FGGY: variants seen among roughly 807,000 people sequenced by gnomAD.
The protein encoded by FGGY is FGGY carbohydrate kinase domain-containing protein.
FGGY carries 72 observed loss-of-function variants against 71.3 expected under a neutral mutation model. The ratio of observed to expected loss-of-function variants is 1.01; its 90% CI spans 0.84 to 1.23. The LOEUF is 1.23. FGGY is among the 50% of genes most tolerant of loss of function. FGGY has a pLI of 0.00. For missense variants in FGGY, 668 were observed against 682.3 expected, an observed-to-expected ratio of 0.98 and a Z score of 0.23; for synonymous variants, 251 against 250.3, an observed-to-expected ratio of 1.00 and a Z score of -0.02.
intron 6 of FGGY, among the ~76,000 whole-genome samples, chr1:59,480,456 A>G (rs1348181250): frequency 6.6e-6 from 1 of 152,164 alleles, no homozygotes; most frequent in Non-Finnish European, 1.5e-5. Flanking sequence ...TCCAGTGTTA[A>G]CTCTGAAACC....
At chr1:59,434,448 CACTT>C (rs1424566449) in intron 5 of FGGY, among the ~76,000 whole-genome samples, 2 of 152,182 alleles carry the variant, frequency 1.3e-5, no homozygotes. Flanking sequence ...AGGCAGGACA[CACTT>C]AACACTCTGG....
rs555129637 is a variant in FGGY, at chr1:59,469,273, G to A, written c.670+12197G>A. On this transcript the variant is annotated intron_variant, in intron 6 of 15. Transcript: ENST00000303721. The stretch of plus-strand genomic sequence containing the variant: ...GGTTGGGTGATTTATAATCAGCAGA[G>A]ATTAATTCAGCTCATGGTTCTGGAG... 3.9e-5 allele frequency among the ~76,000 whole-genome samples: 6 copies of A among 152,346 alleles called. No individual in the cohort carries two copies. The South Asian group carries it at 8.3e-4, about 21-fold the overall frequency.
At chr1:59,431,674 G>T (rs751833225) in intron 5 of FGGY, among the ~76,000 whole-genome samples, 2 of 152,192 alleles carry the variant, frequency 1.3e-5, no homozygotes, top group Non-Finnish European at 2.9e-5. Context: ...CTTCAAGGCA[G>T]CAAGATGGAG....
At chr1:59,639,028 G>T (rs1248666670) in intron 11 of FGGY, among the ~76,000 whole-genome samples, 1 of 152,154 alleles carries the variant, frequency 6.6e-6, no homozygotes, top group African/African-American at 2.4e-5. Context: ...AATCATGTTT[G>T]AGGTGTGATG....
chr1:59,692,802 C>T (rs142324161), intron 14 of FGGY, among the ~76,000 whole-genome samples: 268 of 152,298 alleles, frequency 1.8e-3, no homozygotes, highest in Non-Finnish European at 2.3e-3. Context: ...TTAAAAGCCA[C>T]GCCAACTGAA....
At chr1:59,411,248 T>C (rs576633571) in intron 5 of FGGY, among the ~76,000 whole-genome samples, 12 of 152,376 alleles carry the variant, frequency 7.9e-5, no homozygotes, top group African/African-American at 2.9e-4. Context: ...GTTGGTCTGA[T>C]GTTTCCACAA....
chr1:59,317,945 T>C (rs2045749348), intron 1 of FGGY, among the ~76,000 whole-genome samples: 1 of 152,154 alleles, frequency 6.6e-6, no homozygotes, highest in Non-Finnish European at 1.5e-5. Context: ...TCTCTGAAGA[T>C]GAACAGCCTG....
At chr1:59,727,401 T>C (rs1463867110) in intron 14 of FGGY, among the ~76,000 whole-genome samples, 3 of 152,198 alleles carry the variant, frequency 2.0e-5, no homozygotes, top group Non-Finnish European at 4.4e-5. Flanking sequence ...CCTTTGGATG[T>C]ATACCCAGTA....
At chr1:59,394,467 C>T (rs1003089239) in intron 5 of FGGY, among the ~76,000 whole-genome samples, 5 of 152,252 alleles carry the variant, frequency 3.3e-5, no homozygotes, top group East Asian at 1.9e-4. Context: ...ACCTTGAGCA[C>T]GTTACATACC....
intron 5 of FGGY, among the ~76,000 whole-genome samples, chr1:59,427,101 A>T (rs80170432): frequency 1.2e-4 from 19 of 152,200 alleles, no homozygotes; most frequent in East Asian, 5.8e-4. Flanking sequence ...ACGAACACAC[A>T]AAAAAGGTTT....
chr1:59,680,179 G>T (rs2097482005), intron 14 of FGGY, among the ~76,000 whole-genome samples: 1 of 151,798 alleles, frequency 6.6e-6, no homozygotes, highest in Non-Finnish European at 1.5e-5. Flanking sequence ...ATATGGTCCT[G>T]ATATTATCAG....
intron 5 of FGGY, among the ~76,000 whole-genome samples, chr1:59,455,172 A>G (rs369273683): frequency 6.6e-6 from 1 of 152,124 alleles, no homozygotes; most frequent in East Asian, 1.9e-4. Flanking sequence ...AGTGGGAGAG[A>G]TGGTGAAATG....
intron 6 of FGGY, among the ~76,000 whole-genome samples, chr1:59,459,268 A>C (rs1290782327): frequency 2.0e-5 from 3 of 152,238 alleles, no homozygotes; most frequent in Non-Finnish European, 4.4e-5. Flanking sequence ...TATATGGTGC[A>C]TTTCAAGGAC....
chr1:59,323,460 G>C (rs992880167), intron 2 of FGGY, among the ~76,000 whole-genome samples: 43 of 152,208 alleles, frequency 2.8e-4, no homozygotes, highest in Non-Finnish European at 6.2e-4. Context: ...GGATATGTGG[G>C]CATGTGCCAG....
chr1:59,317,827 G>A (rs534984562), intron 1 of FGGY, among the ~76,000 whole-genome samples: 1 of 152,362 alleles, frequency 6.6e-6, no homozygotes, highest in Non-Finnish European at 1.5e-5. Flanking sequence ...TGATGTGTGT[G>A]AATGACGCTG....
At chr1:59,496,102 C>T (rs967690931) in intron 6 of FGGY, among the ~76,000 whole-genome samples, 3 of 152,046 alleles carry the variant, frequency 2.0e-5, no homozygotes, top group Non-Finnish European at 4.4e-5. Context: ...ATATTGATTC[C>T]TCCTTTCCAT....
intron 7 of FGGY, among the ~76,000 whole-genome samples, chr1:59,546,950 CTTTTTTTTT>C (rs761977942): frequency 4.3e-5 from 5 of 115,208 alleles, no homozygotes; most frequent in African/African-American, 1.4e-4. Context: ...ACCTTTTTGA[CTTTTTTTTT>C]TTTTTTTTTT....
At chr1:59,440,585 C>T (rs989183146) in intron 5 of FGGY, among the ~76,000 whole-genome samples, 6 of 150,390 alleles carry the variant, frequency 4.0e-5, no homozygotes, top group Non-Finnish European at 8.9e-5. Flanking sequence ...ACTATTGATT[C>T]AGTAAATATT....
chr1:59,349,142 A>C (rs190864357), intron 4 of FGGY, among the ~76,000 whole-genome samples: 26 of 152,168 alleles, frequency 1.7e-4, no homozygotes, highest in African/African-American at 6.0e-4. Context: ...AGGTTTTCCC[A>C]AACAGGTGAT....
Sources: allele counts gnomAD v4.1 joint callset (sites outside exome capture counted in the v4.1 genomes callset), GRCh38; gene constraint gnomAD v4.1.1; transcripts MANE v1.5; gene names NCBI Gene and HGNC (gene_info 2026-07-23, HGNC 2026-07-21).